The following MAP2K5 variants were observed in gnomAD, a reference collection of about 807,000 sequenced individuals.
The protein encoded by MAP2K5 is dual specificity mitogen-activated protein kinase kinase 5.
Under a neutral mutation model 83.1 loss-of-function variants are expected in MAP2K5, and 49 were observed. The ratio of observed to expected loss-of-function variants is 0.59; its 90% CI spans 0.47 to 0.75. The LOEUF (loss-of-function observed/expected upper bound fraction) is 0.75, where lower values mean the gene tolerates loss of function less well. Among genes scored for constraint, MAP2K5 ranks in the 30% least tolerant of loss-of-function variants. The probability of loss-of-function intolerance (pLI) is 0.00; values close to 1 mark genes in which losing one functional copy is unlikely to be tolerated. For missense variants in MAP2K5, 457 were observed against 557.5 expected (o/e 0.82, Z 1.82); for synonymous variants, 202 against 191.8 (o/e 1.05, Z -0.44).
rs759218707 is a variant in MAP2K5 at position 67,677,564 on chromosome 15, C to T, written c.847+12919C>T. The stretch of plus-strand genomic sequence containing the variant: ...TTATTTATGCATATAATGTGGTATT[C>T]CTTTGTTTTCTTTCCTTTTTCCCCA... On this transcript the variant is annotated intron_variant, in intron 13 of 21. Transcript: ENST00000178640. This position sits in a 1 kb window ranked among gnomAD's most constrained non-coding sequence, Gnocchi z 4.2. Among the ~76,000 whole-genome samples, 24 of 152,126 alleles carry T rather than the reference C, an allele frequency of 1.6e-4. No homozygotes were observed. Among genetic ancestry groups the T allele is most frequent in the Non-Finnish European group, 2.6e-4 (18 of 68,016 alleles).
rs543218921 is a variant in MAP2K5, at chr15:67,772,577, T to C, written c.1197-130T>C. 16 of 518,932 alleles carry C rather than the reference T, an allele frequency of 3.1e-5. No homozygotes were observed. In the African/African-American group the frequency reaches 3.1e-4, roughly 10 times the overall value. 32.1% of individuals were successfully genotyped at this position (518,932 alleles called of 1,614,324 possible). ...AGAAAGGGAATATATGCTAATACTT[T>C]GGCCAAGAATTGAACATGATGTATT... On this transcript the variant is annotated intron_variant, in intron 20 of 21. Coordinates refer to ENST00000178640, the MANE Select transcript of MAP2K5 (RefSeq NM_145160.3).
rs1432495241 is a variant in MAP2K5 at position 67,774,947 on chromosome 15, G to A, written c.1242+2195G>A. On this transcript the variant is annotated intron_variant, in intron 21 of 21. Coordinates refer to ENST00000178640, the MANE Select transcript of MAP2K5 (RefSeq NM_145160.3). The surrounding 1 kb of genome is among the most constrained non-coding windows in gnomAD (Gnocchi z 4.9). ...TTAGAGATGGGCAGCTGGAAATACT[G>A]GAAGTTATAGATTCACTATTTGGGA... 1.3e-5 allele frequency among the ~76,000 whole-genome samples: 2 copies of A among 152,216 alleles called. No homozygotes were observed. The highest frequency in any genetic ancestry group is 6.5e-5 in the Admixed American group (1 of 15,280).
chr15:67,759,559 C>CG (rs2089909683), intron 19 of MAP2K5, among the ~76,000 whole-genome samples: 1 of 141,384 alleles, frequency 7.1e-6, no homozygotes, highest in Non-Finnish European at 1.5e-5. Context: ...GACTGTGTCT[C>CG]AAAAAAAAAA....
At chr15:67,645,882 A>T (rs2086820679) in intron 9 of MAP2K5, among the ~76,000 whole-genome samples, 1 of 152,128 alleles carries the variant, frequency 6.6e-6, no homozygotes, top group African/African-American at 2.4e-5. Flanking sequence ...TATTGGTTTG[A>T]GGGTCATTCC....
chr15:67,764,498 C>T lies in MAP2K5; in HGVS notation c.1135-5104C>T, dbSNP rs1400176083. Among the ~76,000 whole-genome samples, 3 of 152,178 alleles carry T rather than the reference C, an allele frequency of 2.0e-5. No individual in the cohort carries two copies. The highest frequency in any genetic ancestry group is 4.4e-5 in the Non-Finnish European group (3 of 68,030). On this transcript the variant is annotated intron_variant, in intron 19 of 21. Transcript: ENST00000178640. This position sits in a 1 kb window ranked among gnomAD's most constrained non-coding sequence, Gnocchi z 4.9. The stretch of plus-strand genomic sequence containing the variant: ...CCTGAGTGCCCAGCTTTGGCAGTCT[C>T]ACGTGGCCACTTCCTCCATCCTGCA...
chr15:67,751,145 A>G (rs1172628478), intron 19 of MAP2K5, among the ~76,000 whole-genome samples: 2 of 152,176 alleles, frequency 1.3e-5, no homozygotes, highest in African/African-American at 2.4e-5. Flanking sequence ...AGGTGGAATC[A>G]TGGAACAAAG....
chr15:67,708,802 T>TA lies in MAP2K5; in HGVS notation c.1044+5405dup, dbSNP rs879911160. Reference sequence around the variant, plus strand: ...GCTACATGCTGCTAAAATGTGCCATTAAAAAAAAAAACTCACTGACAGGTA... The same window carrying TA: ...GCTACATGCTGCTAAAATGTGCCATTAAAAAAAAAAAACTCACTGACAGGTA... On this transcript the variant is annotated intron_variant, in intron 16 of 21. Transcript: ENST00000178640. The surrounding 1 kb of genome is among the most constrained non-coding windows in gnomAD (Gnocchi z 4.9). Among the ~76,000 whole-genome samples, 271 of 146,372 alleles carry TA rather than the reference T, an allele frequency of 1.9e-3. 1 individual carries two copies. The highest frequency in any genetic ancestry group is 2.8e-3 in the East Asian group (14 of 5,058).
chr15:67,759,309 A>G (rs1192147510), intron 19 of MAP2K5, among the ~76,000 whole-genome samples: 1 of 152,088 alleles, frequency 6.6e-6, no homozygotes, highest in Non-Finnish European at 1.5e-5. Flanking sequence ...CTGTAATCCT[A>G]GCATTTTGGG....
At chr15:67,583,599 T>G (rs1320087761) in intron 4 of MAP2K5, among the ~76,000 whole-genome samples, 1 of 152,178 alleles carries the variant, frequency 6.6e-6, no homozygotes, top group Non-Finnish European at 1.5e-5. Flanking sequence ...ATTTACATAA[T>G]CGACATGTAG....
At position 67,782,928 on chromosome 15, in the gene MAP2K5, G is replaced by C. The variant is rs2090353425; in HGVS notation, c.1242+10176G>C. 6.6e-6 allele frequency among the ~76,000 whole-genome samples: 1 copy of C among 152,230 alleles called. No individual in the cohort carries two copies. Among genetic ancestry groups the C allele is most frequent in the African/African-American group, 2.4e-5 (1 of 41,448 alleles). ...AAACGGCCCCCTTTTCAGCTCTCCT[G>C]TGCAGGCAGCAGTGCTGCATCATCT... On this transcript the variant is annotated intron_variant, in intron 21 of 21. Transcript: ENST00000178640. This position sits in a 1 kb window ranked among gnomAD's most constrained non-coding sequence, Gnocchi z 4.9.
chr15:67,767,876 C>T (rs1010609445), intron 19 of MAP2K5, among the ~76,000 whole-genome samples: 4 of 152,120 alleles, frequency 2.6e-5, no homozygotes, highest in Non-Finnish European at 4.4e-5. Context: ...TTTTATTTCA[C>T]TCCCATTTTT....
chr15:67,622,163 AAG>A (rs1172266829), intron 8 of MAP2K5, among the ~76,000 whole-genome samples: 1 of 151,076 alleles, frequency 6.6e-6, no homozygotes, highest in Admixed American at 6.6e-5. Flanking sequence ...AAAAAAAAAA[AAG>A]AAGATGAAGG....
Position 67,587,898 on chromosome 15 carries a change from C to G in MAP2K5, c.431+985C>G, listed in dbSNP as rs1402771612. 1.3e-5 allele frequency among the ~76,000 whole-genome samples: 2 copies of G among 152,186 alleles called. No individual in the cohort carries two copies. The highest frequency in any genetic ancestry group is 2.9e-5 in the Non-Finnish European group (2 of 68,028). On this transcript the variant is annotated intron_variant, in intron 6 of 21. Coordinates refer to ENST00000178640, the MANE Select transcript of MAP2K5 (RefSeq NM_145160.3). The surrounding 1 kb of genome is among the most constrained non-coding windows in gnomAD (Gnocchi z 4.8). ...TGTGGGTTCTACCTTCTGAGTAGCT[C>G]TGCGTCTTTCTACTCGCCAGCATCC...
chr15:67,591,517 C>A (rs147887842), intron 6 of MAP2K5, among the ~76,000 whole-genome samples: 1 of 151,170 alleles, frequency 6.6e-6, no homozygotes, highest in Non-Finnish European at 1.5e-5. Flanking sequence ...CTACAGGCGC[C>A]GGCCACCACA....
chr15:67,802,054 A>G lies in MAP2K5; in HGVS notation c.1243-4592A>G, dbSNP rs573060571. Reference sequence around the variant, plus strand: ...ACACTGCGGCAGGCTCGGAGCCTCCATTCTTGCCCACAAGATGAGCACACC... The same window carrying G: ...ACACTGCGGCAGGCTCGGAGCCTCCGTTCTTGCCCACAAGATGAGCACACC... On this transcript the variant is annotated intron_variant, in intron 21 of 21. Transcript: ENST00000178640. This position sits in a 1 kb window ranked among gnomAD's most constrained non-coding sequence, Gnocchi z 5.0. Among the ~76,000 whole-genome samples, 6 of 152,268 alleles carry G rather than the reference A, an allele frequency of 3.9e-5. No homozygotes were observed. The highest frequency in any genetic ancestry group is 4.4e-5 in the Non-Finnish European group (3 of 68,002).
At chr15:67,612,786 A>C (rs2085957856) in intron 8 of MAP2K5, among the ~76,000 whole-genome samples, 1 of 152,232 alleles carries the variant, frequency 6.6e-6, no homozygotes, top group Non-Finnish European at 1.5e-5. Flanking sequence ...CAGCAATCAC[A>C]GCCTAGTTGA....
chr15:67,585,089 A>AC (rs1224212220), intron 4 of MAP2K5, among the ~76,000 whole-genome samples: 1 of 151,772 alleles, frequency 6.6e-6, no homozygotes, highest in Non-Finnish European at 1.5e-5. Context: ...AAAAAAAAAA[A>AC]AAAAAATCAA....
At chr15:67,591,658 C>T (rs1045883431) in intron 6 of MAP2K5, among the ~76,000 whole-genome samples, 6 of 151,662 alleles carry the variant, frequency 4.0e-5, no homozygotes, top group African/African-American at 4.8e-5. Flanking sequence ...CATGAGCCAC[C>T]GCGCCGGCCC....
intron 8 of MAP2K5, among the ~76,000 whole-genome samples, chr15:67,625,232 C>T (rs2086290428): frequency 6.6e-6 from 1 of 152,138 alleles, no homozygotes; most frequent in Admixed American, 6.6e-5. Flanking sequence ...GCACTGGGCT[C>T]TTTGTTATTT....
Sources: gnomAD v4.1 joint callset for allele counts (sites outside exome capture counted in the v4.1 genomes callset) on GRCh38, gnomAD v4.1.1 for gene constraint, Gnocchi (gnomAD v3.1) non-coding constraint, MANE v1.5 for transcripts, NCBI Gene and HGNC (gene_info 2026-07-23, HGNC 2026-07-21) for gene names.